The following PIK3C2G variants were observed in gnomAD, a reference collection of about 807,000 sequenced individuals.
PIK3C2G encodes the protein phosphatidylinositol-4-phosphate 3-kinase catalytic subunit type 2 gamma.
PIK3C2G carries 168 observed loss-of-function variants against 181.1 expected under a neutral mutation model. That is an observed-to-expected ratio of 0.93 (90% CI 0.82 to 1.05). The LOEUF is 1.05. Among genes scored for constraint, PIK3C2G ranks in the 50% least tolerant of loss-of-function variants. PIK3C2G has a pLI of 0.00. For missense variants in PIK3C2G, 1,869 were observed against 1,732.8 expected (o/e 1.08, Z -1.40); for synonymous variants, 573 against 592.2 (o/e 0.97, Z 0.47).
At chr12:18,724,469 T>C in the PIK3C2G span, among the ~76,000 whole-genome samples, 3 of 152,114 alleles carry the variant, frequency 2.0e-5, no homozygotes, top group African/African-American at 7.2e-5. Context: ...AAATGCTTTT[T>C]TATAACATCT....
chr12:18,420,279 A>T (rs1945405822), intron 16 of PIK3C2G, among the ~76,000 whole-genome samples: 1 of 152,136 alleles, frequency 6.6e-6, no homozygotes. Flanking sequence ...AATCCATTTC[A>T]GGATAAATTG....
At chr12:18,363,918 C>G (rs941462535) in intron 12 of PIK3C2G, among the ~76,000 whole-genome samples, 5 of 152,152 alleles carry the variant, frequency 3.3e-5, no homozygotes, top group African/African-American at 1.2e-4. Flanking sequence ...CTCTATCTCC[C>G]CTTCTTTGGG....
intron 28 of PIK3C2G, among the ~76,000 whole-genome samples, chr12:18,565,375 T>C (rs961190678): frequency 6.6e-6 from 1 of 152,162 alleles, no homozygotes; most frequent in Non-Finnish European, 1.5e-5. Context: ...TAATAATCTT[T>C]TTTAGAAAAG....
chr12:18,659,563 T>A, the PIK3C2G span, among the ~76,000 whole-genome samples: 2 of 152,108 alleles, frequency 1.3e-5, no homozygotes, highest in Non-Finnish European at 2.9e-5. Flanking sequence ...ATTGTCTCAA[T>A]AATGTATTTT....
intron 6 of PIK3C2G, among the ~76,000 whole-genome samples, chr12:18,318,205 C>T (rs963376286): frequency 2.0e-5 from 3 of 152,070 alleles, no homozygotes; most frequent in Non-Finnish European, 4.4e-5. Flanking sequence ...AGCTTTCATA[C>T]TCATAGAGCA....
chr12:18,273,743 G>T (rs142790682), intron 1 of PIK3C2G, among the ~76,000 whole-genome samples: 12,550 of 152,124 alleles, frequency 0.082, 647 homozygotes, highest in South Asian at 0.12. Context: ...CATAGCCATG[G>T]GCAAGGACTC....
chr12:18,265,674 A>G (rs1326222116), intron 1 of PIK3C2G, among the ~76,000 whole-genome samples: 2 of 151,974 alleles, frequency 1.3e-5, no homozygotes, highest in Non-Finnish European at 2.9e-5. Flanking sequence ...ATATTTGGTA[A>G]TACTTTTAAC....
At position 18,647,979 on chromosome 12, in the gene PIK3C2G, T is replaced by C; in HGVS notation, c.4412T>C (p.Val1471Ala). 1 of 1,598,724 alleles carries C rather than the reference T, an allele frequency of 6.3e-7. No homozygotes were observed. Among genetic ancestry groups the C allele is most frequent in the Non-Finnish European group, 8.5e-7 (1 of 1,171,168 alleles). ...GCAATTAACATCCGACTCTGTAGTG[T>C]CCCACTCGATAAAGAAAAATGGTAT... ...VGAINIRLCS[V>A]PLDKEKWYPL... is the part of the protein sequence containing the mutation. Residue 1471 changes from valine to alanine, a missense_variant, in exon 33 of 33, where the codon GTC becomes GCC. Physicochemically the swap from Val to Ala is moderately conservative, Grantham distance 64 (BLOSUM62 0). Transcript: ENST00000538779.
At chr12:18,703,137 G>A in the PIK3C2G span, among the ~76,000 whole-genome samples, 2 of 152,156 alleles carry the variant, frequency 1.3e-5, no homozygotes, top group African/African-American at 4.8e-5. Context: ...ATTGGACTAT[G>A]ATTTGGGTTT....
chr12:18,725,879 CTCTGTA>C, the PIK3C2G span, among the ~76,000 whole-genome samples: 2 of 152,124 alleles, frequency 1.3e-5, no homozygotes, highest in Non-Finnish European at 2.9e-5. Flanking sequence ...AGAAATCTTC[CTCTGTA>C]TCTCCTCCCC....
intron 24 of PIK3C2G, among the ~76,000 whole-genome samples, chr12:18,507,273 C>T (rs111970414): frequency 1.3e-5 from 2 of 152,076 alleles, no homozygotes; most frequent in Non-Finnish European, 1.5e-5. Context: ...CAAGTGATCT[C>T]CTGCCTCGGC....
intron 1 of PIK3C2G, among the ~76,000 whole-genome samples, chr12:18,280,070 T>C (rs1212881359): frequency 1.3e-5 from 2 of 152,054 alleles, no homozygotes; most frequent in East Asian, 3.9e-4. Context: ...TGTTTTTGTC[T>C]TTACCACATG....
At chr12:18,292,210 C>CAAAAAAAAAAAAAAAA (rs745371375) in intron 4 of PIK3C2G, among the ~76,000 whole-genome samples, 1 of 28,620 alleles carries the variant, frequency 3.5e-5, no homozygotes, top group Non-Finnish European at 6.4e-5. Context: ...AACTCCATCT[C>CAAAAAAAAAAAAAAAA]AAAAAAAAAA....
At chr12:18,362,724 A>G in intron 11 of PIK3C2G, 40 bp from the exon 12 acceptor site, 3 of 1,432,770 alleles carry the variant, frequency 2.1e-6, no homozygotes, top group Non-Finnish European at 2.7e-6. Context: ...TAGTTTCTTT[A>G]AAGTGCTAAG....
intron 16 of PIK3C2G, among the ~76,000 whole-genome samples, chr12:18,416,366 A>G (rs538030960): frequency 6.6e-5 from 10 of 152,238 alleles, no homozygotes; most frequent in African/African-American, 9.6e-5. Context: ...CATAAGATCC[A>G]GCTAAGGTCA....
At chr12:18,592,182 T>C (rs1947117085) in intron 29 of PIK3C2G, among the ~76,000 whole-genome samples, 1 of 151,824 alleles carries the variant, frequency 6.6e-6, no homozygotes, top group Non-Finnish European at 1.5e-5. Context: ...ATGTTTAGAT[T>C]TATGCATCAT....
chr12:18,472,393 C>A (rs1565759647), intron 18 of PIK3C2G, among the ~76,000 whole-genome samples: 1 of 152,060 alleles, frequency 6.6e-6, no homozygotes, highest in Non-Finnish European at 1.5e-5. Context: ...AGTCCTGTCC[C>A]AATCATGTTA....
the PIK3C2G span, among the ~76,000 whole-genome samples, chr12:18,661,376 AAG>A: frequency 1.3e-5 from 2 of 151,310 alleles, no homozygotes; most frequent in Non-Finnish European, 3.0e-5. Flanking sequence ...AATAAAAAAA[AAG>A]AGAGAGAGAG....
intron 32 of PIK3C2G, among the ~76,000 whole-genome samples, chr12:18,641,416 T>C (rs1949829042): frequency 6.6e-6 from 1 of 152,150 alleles, no homozygotes; most frequent in South Asian, 2.1e-4. Context: ...CTGGATCAGT[T>C]ATACAGCAGC....
Sources: gnomAD v4.1 joint callset for allele counts (sites outside exome capture counted in the v4.1 genomes callset) on GRCh38, gnomAD v4.1.1 for gene constraint, MANE v1.5 for transcripts, NCBI Gene and HGNC (gene_info 2026-07-23, HGNC 2026-07-21) for gene names.